The following NKX1-1 variants were observed in gnomAD, a reference collection of about 807,000 sequenced individuals.
NKX1-1 encodes NK1 homeobox 1.
In NKX1-1, 7 loss-of-function variants were observed where a neutral mutation model predicts 1.7. The ratio of observed to expected loss-of-function variants is 4.22; its 90% CI spans 2.40 to 7.92. The LOEUF (loss-of-function observed/expected upper bound fraction) is 7.92, where lower values mean the gene tolerates loss of function less well. NKX1-1 is among the 30% of genes most tolerant of loss of function. The pLI is 0.00. For missense variants in NKX1-1, 453 were observed against 171.5 expected (o/e 2.64, Z -9.17); for synonymous variants, 242 against 85.3 (o/e 2.84, Z -10.13).
At chr4:1,405,905 G>A (rs1252601573) in intron 1 of NKX1-1, 75 bp downstream of exon 1, 10 of 415,072 alleles carry the variant, frequency 2.4e-5, no homozygotes, top group Non-Finnish European at 3.8e-5. Context: ...TCGCCACGGT[G>A]TCCCAGGGTC....
intron 1 of NKX1-1, 46 bp downstream of exon 1, chr4:1,405,934 C>T: frequency 2.3e-6 from 1 of 442,042 alleles, no homozygotes; most frequent in Non-Finnish European, 4.0e-6. Context: ...ATAGAAGCCT[C>T]CGGTCCCCCG....
In NKX1-1 at chr4:1,403,355, G is replaced by A. The variant is rs1239488482; in HGVS notation, c.924C>T (p.Leu308=). Residue 308 remains leucine, a synonymous_variant, in exon 2 of 2, where the codon CTC becomes CTT. Coordinates refer to ENST00000422806, the MANE Select transcript of NKX1-1 (RefSeq NM_001290079.1). ...CCTTGAACTTGTTCTCCAGCGCCAC[G>A]AGCTGCTCGTAGGTGAAGGCGGTGC... ...RARTAFTYEQ[L]VALENKFKAT... 5 of 731,814 alleles carry A rather than the reference G, an allele frequency of 6.8e-6. No individual in the cohort carries two copies. The highest frequency in any genetic ancestry group is 4.6e-5 in the South Asian group (3 of 64,730). 45.3% of individuals were successfully genotyped at this position (731,814 alleles called of 1,614,324 possible). A position where few individuals can be genotyped will look rare whatever the true frequency, so the allele number is the denominator to read the frequency against.
intron 1 of NKX1-1, among the ~76,000 whole-genome samples, chr4:1,405,381 G>T (rs1384526937): frequency 5.3e-5 from 8 of 152,242 alleles, no homozygotes; most frequent in Non-Finnish European, 1.2e-4. Context: ...TGTTCGGGGG[G>T]AGTTTGCAAG....
intron 1 of NKX1-1, among the ~76,000 whole-genome samples, chr4:1,405,569 C>CA (rs1305773470): frequency 3.7e-4 from 39 of 104,974 alleles, no homozygotes; most frequent in East Asian, 2.2e-3. Context: ...CTGATTTGTC[C>CA]AAAAAAAAAG....
rs1231089218 is a variant in NKX1-1 at position 1,403,475 on chromosome 4, G to C, written c.804C>G (p.Gly268=). The stretch of plus-strand genomic sequence containing the variant: ...CCGTGCCCTGCGGGGTGGTCCCCGC[G>C]CCCCCCGGCGCCGCTGCACCTCCCG... The part of the protein sequence containing the change: ...GPPGGAAAPG[G]AGTTPQGTAT... The change falls in exon 2 of 2, where the codon GGC becomes GGG. Residue 268 remains glycine (G), a synonymous_variant. Transcript: ENST00000422806. 3.5e-6 allele frequency: 2 copies of C among 571,048 alleles called. No homozygotes were observed. The highest frequency in any genetic ancestry group is 3.1e-6 in the Non-Finnish European group (1 of 323,946). The allele number at this position is 571,048 out of a possible 1,614,324, so 35.4% of individuals were successfully genotyped here.
chr4:1,404,003 T>A (rs1262724111), intron 1 of NKX1-1, among the ~76,000 whole-genome samples, 188 bp from the exon 2 acceptor site: 1 of 151,964 alleles, frequency 6.6e-6, no homozygotes, highest in East Asian at 1.9e-4. Context: ...GGCCTGTCCT[T>A]CCCTCCCGCC....
In NKX1-1 at chr4:1,406,353, G is replaced by A. The variant is rs1427751503; in HGVS notation, c.90C>T (p.Pro30=). 2 of 372,138 alleles carry A rather than the reference G, an allele frequency of 5.4e-6. No individual in the cohort carries two copies. Among genetic ancestry groups the A allele is most frequent in the African/African-American group, 4.2e-5 (2 of 47,210 alleles). 23.1% of individuals were successfully genotyped at this position (372,138 alleles called of 1,614,324 possible). A position where few individuals can be genotyped will look rare whatever the true frequency, so the allele number is the denominator to read the frequency against. ...CCATAGCTTCCTGGGCAGCGGCGGC[G>A]GGAGCGGGCGGTGCGGGCCCCGAAC... is the stretch of plus-strand genomic sequence containing the variant. ...QPGSGPAPPA[P]AAAAQEAMDG... Residue 30 remains proline, a synonymous_variant, in exon 1 of 2, where the codon CCC becomes CCT. Transcript: ENST00000422806.
rs763955222 is a variant in NKX1-1, at chr4:1,403,220, C to T, written c.1059G>A (p.Lys353=). The part of the protein sequence containing the change: ...WFQNRRTKWK[K]QNPGADTSAP... Reference sequence around the variant, plus strand: ...CGCTGGTGTCGGCGCCCGGGTTCTGCTTCTTCCACTTGGTTCGGCGGTTCT... The same window carrying T: ...CGCTGGTGTCGGCGCCCGGGTTCTGTTTCTTCCACTTGGTTCGGCGGTTCT... The change falls in exon 2 of 2, where the codon AAG becomes AAA. Residue 353 remains lysine (K), a synonymous_variant. Coordinates refer to ENST00000422806, the MANE Select transcript of NKX1-1 (RefSeq NM_001290079.1). 4 of 726,708 alleles carry T rather than the reference C, an allele frequency of 5.5e-6. No individual in the cohort carries two copies. The highest frequency in any genetic ancestry group is 1.9e-5 in the Admixed American group (1 of 52,798). 45.0% of individuals were successfully genotyped at this position (726,708 alleles called of 1,614,324 possible).
intron 1 of NKX1-1, among the ~76,000 whole-genome samples, chr4:1,404,885 C>T (rs1446967202): frequency 6.6e-6 from 1 of 152,228 alleles, no homozygotes; most frequent in East Asian, 1.9e-4. Context: ...TCCCCGCGAC[C>T]CTCAGCAGGA....
rs1388242333 is a variant in NKX1-1, at chr4:1,406,008, TC to T, written c.434del (p.Gly145GlufsTer196). 1.1e-5 allele frequency: 5 copies of T among 474,104 alleles called. No individual in the cohort carries two copies. Among genetic ancestry groups the T allele is most frequent in the Non-Finnish European group, 1.8e-5 (5 of 274,676 alleles). The allele number at this position is 474,104 out of a possible 1,614,324, so 29.4% of individuals were successfully genotyped here. ...GCGGCTCAGCTCCGGCGGCTCCGAC[TC>T]CCCCGGCGCCGGCGAGGGCGCGGCG... ...LERRALAGAG[G>X]VGAAGAEPPN... On this transcript the variant is annotated frameshift_variant, in exon 1 of 2. Coordinates refer to ENST00000422806, the MANE Select transcript of NKX1-1 (RefSeq NM_001290079.1). LOFTEE classifies it low-confidence loss of function (END_TRUNC).
intron 1 of NKX1-1, among the ~76,000 whole-genome samples, chr4:1,404,347 C>T (rs556481857): frequency 1.1e-4 from 16 of 152,356 alleles, no homozygotes; most frequent in African/African-American, 3.6e-4. Context: ...GGGCCGGAGC[C>T]GGCCGAGAGA....
At position 1,403,073 on chromosome 4, in the gene NKX1-1, C is replaced by T. The variant is rs1428576416; in HGVS notation, c.1206G>A (p.Pro402=). The T allele has an allele frequency of 2.9e-5, 14 of 479,894 alleles. No homozygotes were observed. The highest frequency in any genetic ancestry group is 2.1e-4 in the Admixed American group (5 of 23,580). 29.7% of individuals were successfully genotyped at this position (479,894 alleles called of 1,614,324 possible). A position where few individuals can be genotyped will look rare whatever the true frequency, so the allele number is the denominator to read the frequency against. The change falls in exon 2 of 2, where the codon CCG becomes CCA. Residue 402 remains proline, a synonymous_variant. Transcript: ENST00000422806. ...PMGAPLGMHG[P]AGYPAHGPGG... ...CGGGGCCGTGCGCCGGGTACCCGGC[C>T]GGGCCGTGCATGCCGAGCGGGGCGC...
Position 1,403,702 on chromosome 4 carries a change from C to T in NKX1-1, c.577G>A (p.Asp193Asn), listed in dbSNP as rs1226638754. The T allele has an allele frequency of 2.9e-6, 2 of 687,532 alleles. No individual in the cohort carries two copies. Among genetic ancestry groups the T allele is most frequent in the Non-Finnish European group, 5.2e-6 (2 of 382,224 alleles). 42.6% of individuals were successfully genotyped at this position (687,532 alleles called of 1,614,324 possible). The change falls in exon 2 of 2, where the codon GAC becomes AAC. Residue 193 changes from aspartate to asparagine, a missense_variant. Transcript: ENST00000422806. ...SADSGDEVPD[D>N]EDDDEDEAPE... ...GCTTCGTCCTCGTCGTCGTCCTCGTCGTCGGGAACCTCGTCCCCGCTGTCC... is the reference window on the plus strand; with the variant it reads ...GCTTCGTCCTCGTCGTCGTCCTCGTTGTCGGGAACCTCGTCCCCGCTGTCC...
At position 1,403,637 on chromosome 4, in the gene NKX1-1, CCGCGCCTCCTCCGCGCCT is replaced by C. The variant is rs1328212107; in HGVS notation, c.624_641del (p.Ala210_Gly215del). 1.8e-6 allele frequency: 1 copy of C among 547,858 alleles called. No homozygotes were observed. Among genetic ancestry groups the C allele is most frequent in the East Asian group, 3.4e-5 (1 of 29,028 alleles). 33.9% of individuals were successfully genotyped at this position (547,858 alleles called of 1,614,324 possible). On this transcript the variant is annotated inframe_deletion, in exon 2 of 2. Coordinates refer to ENST00000422806, the MANE Select transcript of NKX1-1 (RefSeq NM_001290079.1). ...GGGCCCCGAGGCCGCCGCCGCCTCC[CCGCGCCTCCTCCGCGCCT>C]CGCGCCGCCTCCGTCTCGGGCGCTT... is the stretch of plus-strand genomic sequence containing the variant.
chr4:1,405,862 T>A (rs1293554640), intron 1 of NKX1-1, 118 bp downstream of exon 1: 1 of 396,250 alleles, frequency 2.5e-6, no homozygotes, highest in Non-Finnish European at 4.4e-6. Flanking sequence ...TCAGCGAACT[T>A]TCCACGGAGC....
At chr4:1,405,204 G>A (rs546232535) in intron 1 of NKX1-1, among the ~76,000 whole-genome samples, 74 of 152,360 alleles carry the variant, frequency 4.9e-4, no homozygotes, top group African/African-American at 1.7e-3. Flanking sequence ...TCCGCCCCGC[G>A]CTGTCCTCCC....
intron 1 of NKX1-1, among the ~76,000 whole-genome samples, chr4:1,404,343 G>T (rs544860096): frequency 6.6e-6 from 1 of 152,242 alleles, no homozygotes; most frequent in Non-Finnish European, 1.5e-5. Flanking sequence ...GGTGGGGCCG[G>T]AGCCGGCCGA....
intron 1 of NKX1-1, among the ~76,000 whole-genome samples, chr4:1,404,398 C>A (rs1720716743): frequency 6.6e-6 from 1 of 152,238 alleles, no homozygotes; most frequent in Admixed American, 6.5e-5. Flanking sequence ...CTGGCCCCGA[C>A]CCTACCTCAA....
chr4:1,403,917 C>G, intron 1 of NKX1-1, 102 bp from the exon 2 acceptor site: 1 of 499,710 alleles, frequency 2.0e-6, no homozygotes. Flanking sequence ...GGTTCCCTCC[C>G]GCCCCCTGCT....
Sources: allele counts gnomAD v4.1 joint callset (sites outside exome capture counted in the v4.1 genomes callset), GRCh38; gene constraint gnomAD v4.1.1; transcripts MANE v1.5; gene names NCBI Gene and HGNC (gene_info 2026-07-23, HGNC 2026-07-21).